CROT: variants seen among roughly 807,000 people sequenced by gnomAD.
CROT encodes the protein carnitine O-octanoyltransferase.
A neutral mutation model predicts 89.2 loss-of-function variants in CROT; 84 were observed. The ratio of observed to expected loss-of-function variants is 0.94; its 90% CI spans 0.79 to 1.13. CROT has a LOEUF of 1.13. Among genes scored for constraint, CROT ranks in the 50% most tolerant of loss-of-function variants. CROT has a pLI of 0.00. For missense variants in CROT, 711 were observed against 727.8 expected (o/e 0.98, Z 0.27); for synonymous variants, 212 against 239.5 (o/e 0.89, Z 1.06).
intron 3 of CROT, among the ~76,000 whole-genome samples, chr7:87,356,761 G>A (rs1001949517): frequency 2.6e-5 from 4 of 152,172 alleles, no homozygotes; most frequent in East Asian, 1.9e-4. Context: ...AGTGGCTCAC[G>A]TCTGTAATCC....
At chr7:87,375,538 A>T (rs1806781801) in intron 7 of CROT, 94 bp from the exon 8 acceptor site, 1 of 816,004 alleles carries the variant, frequency 1.2e-6, no homozygotes, top group African/African-American at 1.7e-5. Context: ...ATATCCAAAC[A>T]TTTAAATATT....
intron 3 of CROT, chr7:87,357,564 T>C (rs1489220015): frequency 1.4e-6 from 2 of 1,387,662 alleles, no homozygotes; most frequent in Non-Finnish European, 2.0e-6. Context: ...AGAGGGTTCT[T>C]GGATCTCACG....
intron 13 of CROT, among the ~76,000 whole-genome samples, chr7:87,383,788 C>T (rs560107551): frequency 1.3e-4 from 20 of 152,194 alleles, no homozygotes; most frequent in African/African-American, 3.4e-4. Context: ...TGAGCCACCA[C>T]GCCCGGCCCA....
rs1446701627 is a variant in CROT at position 87,382,468 on chromosome 7, C to T, written c.1226C>T (p.Thr409Ile). The T allele has an allele frequency of 1.9e-6, 3 of 1,613,900 alleles. No homozygotes were observed. Among genetic ancestry groups the T allele is most frequent in the South Asian group, 2.2e-5 (2 of 91,068 alleles). ...YAFTSFGKKL[T>I]KNKMLHPDTF... ...TTTACATCTTTTGGCAAAAAGCTAA[C>T]CAAGAACAAGATGCTTCACCCGGAT... Residue 409 changes from threonine to isoleucine, a missense_variant, in exon 13 of 18, where the codon ACC (threonine) becomes ATC (isoleucine). Physicochemically the swap from Thr to Ile is moderately conservative, Grantham distance 89. Coordinates refer to ENST00000331536, the MANE Select transcript of CROT (RefSeq NM_021151.4).
At chr7:87,382,294 T>C in intron 12 of CROT, 113 bp downstream of exon 12, 2 of 1,416,596 alleles carry the variant, frequency 1.4e-6, no homozygotes, top group South Asian at 2.5e-5. Context: ...AAATTATGCC[T>C]TTAACACCTT....
At chr7:87,360,052 G>A (rs1011765225) in intron 4 of CROT, 19 of 979,484 alleles carry the variant, frequency 1.9e-5, no homozygotes, top group African/African-American at 3.5e-5. Flanking sequence ...TCACACTTCC[G>A]GATTCCTTTG....
intron 7 of CROT, among the ~76,000 whole-genome samples, chr7:87,372,348 C>T (rs536377897): frequency 1.3e-5 from 2 of 152,218 alleles, no homozygotes; most frequent in South Asian, 4.1e-4. Context: ...TCTTTTTAAT[C>T]ATTTGCTTTT....
At chr7:87,377,843 A>G (rs1006904928) in intron 10 of CROT, among the ~76,000 whole-genome samples, 1 of 152,152 alleles carries the variant, frequency 6.6e-6, no homozygotes, top group African/African-American at 2.4e-5. Context: ...CTAGGTAACT[A>G]TTTTCCTAAA....
chr7:87,349,954 G>C (rs995520265), intron 3 of CROT, among the ~76,000 whole-genome samples: 2 of 152,130 alleles, frequency 1.3e-5, no homozygotes. Context: ...CTCCTTGCTT[G>C]CATGATATCC....
chr7:87,375,381 C>A, intron 7 of CROT: 1 of 405,320 alleles, frequency 2.5e-6, no homozygotes. Context: ...TATATATCAG[C>A]GAAACTAAAT....
At chr7:87,383,792 C>T (rs139187316) in intron 13 of CROT, among the ~76,000 whole-genome samples, 206 of 152,160 alleles carry the variant, frequency 1.4e-3, no homozygotes, top group African/African-American at 1.7e-3. Flanking sequence ...CCACCACGCC[C>T]GGCCCACATT....
At chr7:87,362,304 CTTTTTTTTTTT>C (rs1237429320) in intron 6 of CROT, among the ~76,000 whole-genome samples, 2 of 132,358 alleles carry the variant, frequency 1.5e-5, no homozygotes, top group Non-Finnish European at 3.2e-5. Context: ...GTCACTCTTC[CTTTTTTTTTTT>C]TTTTTTTTGT....
chr7:87,355,912 T>G (rs147511480), intron 3 of CROT, among the ~76,000 whole-genome samples: 467 of 152,242 alleles, frequency 3.1e-3, no homozygotes, highest in African/African-American at 0.011. Context: ...ATCCAAAAAC[T>G]TAGGAAGCAA....
rs150802563 is a variant in CROT at position 87,361,431 on chromosome 7, T to C, written c.282T>C (p.Arg94=). The stretch of plus-strand genomic sequence containing the variant: ...TGAATGTTGCCTATCTGGATGTTCG[T>C]ATACCATCACAATTGAATGTCAACT... ...WWLNVAYLDV[R]IPSQLNVNFA... Residue 94 remains arginine (R), a synonymous_variant, in exon 5 of 18, where the codon CGT becomes CGC. Coordinates refer to ENST00000331536, the MANE Select transcript of CROT (RefSeq NM_021151.4). The C allele has an allele frequency of 6.2e-7, 1 of 1,613,958 alleles. No individual in the cohort carries two copies. The highest frequency in any genetic ancestry group is 1.3e-5 in the African/African-American group (1 of 74,944).
intron 3 of CROT, among the ~76,000 whole-genome samples, chr7:87,358,323 A>G (rs1806156633): frequency 6.8e-6 from 1 of 147,324 alleles, no homozygotes; most frequent in South Asian, 2.1e-4. Flanking sequence ...TAAAAATACA[A>G]AAAAAAAAAA....
At chr7:87,389,612 G>A (rs1485695067) in intron 13 of CROT, among the ~76,000 whole-genome samples, 1 of 152,034 alleles carries the variant, frequency 6.6e-6, no homozygotes, top group Non-Finnish European at 1.5e-5. Flanking sequence ...TCACACACCG[G>A]GGGCTGTCAT....
At chr7:87,349,000 C>A in intron 2 of CROT, 48 bp from the exon 3 acceptor site, 1 of 761,798 alleles carries the variant, frequency 1.3e-6, no homozygotes, top group Non-Finnish European at 2.2e-6. Flanking sequence ...GGATACGTAA[C>A]ACTATCTATG....
chr7:87,385,218 T>C (rs1013351957), intron 13 of CROT, among the ~76,000 whole-genome samples: 2 of 152,030 alleles, frequency 1.3e-5, no homozygotes, highest in African/African-American at 4.8e-5. Context: ...TTTTTTTTCC[T>C]ATTTTTGTGA....
chr7:87,360,809 A>G (rs986614302), intron 4 of CROT, among the ~76,000 whole-genome samples: 2 of 152,150 alleles, frequency 1.3e-5, no homozygotes, highest in African/African-American at 2.4e-5. Flanking sequence ...CTACAATACA[A>G]TGATATTTCT....
Sources: allele counts gnomAD v4.1 joint callset (sites outside exome capture counted in the v4.1 genomes callset), GRCh38; gene constraint gnomAD v4.1.1; transcripts MANE v1.5; gene names NCBI Gene and HGNC (gene_info 2026-07-23, HGNC 2026-07-21).